The following DMTF1 variants were observed in gnomAD, a reference collection of about 807,000 sequenced individuals.
DMTF1 encodes cyclin-D-binding Myb-like transcription factor 1.
Under a neutral mutation model 91.1 loss-of-function variants are expected in DMTF1, and 39 were observed. The ratio of observed to expected loss-of-function variants is 0.43; its 90% CI spans 0.33 to 0.56. DMTF1 has a LOEUF of 0.56. Among genes scored for constraint, DMTF1 ranks in the 20% least tolerant of loss-of-function variants. The probability of loss-of-function intolerance (pLI) is 0.05; values close to 1 mark genes in which losing one functional copy is unlikely to be tolerated. For missense variants in DMTF1, 750 were observed against 914.5 expected (o/e 0.82, Z 2.32); for synonymous variants, 338 against 309.5 (o/e 1.09, Z -0.97).
Position 87,195,098 on chromosome 7 carries a change from A to G in DMTF1, c.2241A>G (p.Ser747=). The change falls in exon 18 of 18, where the codon TCA becomes TCG. Residue 747 remains serine, a synonymous_variant. Coordinates refer to ENST00000331242, the MANE Select transcript of DMTF1 (RefSeq NM_001142327.2). The stretch of plus-strand genomic sequence containing the variant: ...GATCATCCTTGGGCAGTCCTGTTTC[A>G]GAAGATTCAAAGGATGTCGAAGATT... ...IIGSSLGSPV[S]EDSKDVEDLV... 6.2e-7 allele frequency: 1 copy of G among 1,612,352 alleles called. No homozygotes were observed. The highest frequency in any genetic ancestry group is 1.1e-5 in the South Asian group (1 of 91,000).
intron 16 of DMTF1, 39 bp downstream of exon 16, chr7:87,194,141 C>T (rs908411965): frequency 1.3e-6 from 2 of 1,515,826 alleles, no homozygotes; most frequent in Non-Finnish European, 1.8e-6. Flanking sequence ...GGATTCTTGC[C>T]TTGAGCCTCA....
intron 9 of DMTF1, chr7:87,181,890 G>T (rs1797453322): frequency 1.8e-6 from 1 of 559,404 alleles, no homozygotes; most frequent in Non-Finnish European, 2.9e-6. Context: ...GTCTAAAGAA[G>T]AGTTTGTTGG....
chr7:87,161,117 G>A (rs1210630049), intron 1 of DMTF1, among the ~76,000 whole-genome samples: 1 of 152,040 alleles, frequency 6.6e-6, no homozygotes, highest in Non-Finnish European at 1.5e-5. Flanking sequence ...CATTAAAAGT[G>A]AAACTAGGTC....
intron 1 of DMTF1, among the ~76,000 whole-genome samples, chr7:87,156,835 TTA>T (rs1790863167): frequency 6.6e-6 from 1 of 152,164 alleles, no homozygotes; most frequent in Admixed American, 6.5e-5. Context: ...AAAGCATTAG[TTA>T]TACAATGATA....
intron 2 of DMTF1, among the ~76,000 whole-genome samples, chr7:87,164,717 G>A (rs1337862585): frequency 6.6e-6 from 1 of 152,158 alleles, no homozygotes; most frequent in Non-Finnish European, 1.5e-5. Context: ...AAATTTATCA[G>A]AGCAAACAGA....
intron 11 of DMTF1, chr7:87,185,142 C>G (rs1048003122): frequency 1.8e-4 from 39 of 216,412 alleles, no homozygotes; most frequent in African/African-American, 7.7e-4. Context: ...ATAATCCCAG[C>G]TTATTTTTTT....
chr7:87,177,673 C>T (rs1032698043), intron 7 of DMTF1, among the ~76,000 whole-genome samples: 1 of 152,100 alleles, frequency 6.6e-6, no homozygotes, highest in African/African-American at 2.4e-5. Flanking sequence ...AATCATTCCC[C>T]GCCTCAAGGG....
rs906243498 is a variant in DMTF1, at chr7:87,183,702, G to GA, written c.821-687dup. Among the ~76,000 whole-genome samples, 94 of 151,802 alleles carry GA rather than the reference G, an allele frequency of 6.2e-4. 1 individual carries two copies. Among genetic ancestry groups the GA allele is most frequent in the Non-Finnish European group, 2.7e-4 (18 of 67,914 alleles). On this transcript the variant is annotated intron_variant, in intron 10 of 17. Coordinates refer to ENST00000331242, the MANE Select transcript of DMTF1 (RefSeq NM_001142327.2). ...AAATGGAAACAGAGGTAAAGAAGAT[G>GA]AAAAAAAATGGCTTTTTTCCCTTTC... is the stretch of plus-strand genomic sequence containing the variant.
intron 7 of DMTF1, among the ~76,000 whole-genome samples, chr7:87,178,773 C>CTTT (rs34451577): frequency 6.8e-6 from 1 of 146,480 alleles, no homozygotes; most frequent in African/African-American, 2.5e-5. Context: ...AATGTACCCA[C>CTTT]TTTTTTTTTT....
chr7:87,175,719 T>C (rs748340128), intron 7 of DMTF1, among the ~76,000 whole-genome samples: 37 of 152,318 alleles, frequency 2.4e-4, no homozygotes, highest in Non-Finnish European at 1.2e-4. Context: ...TTGAGGGAAC[T>C]GCATGAATAC....
chr7:87,152,647 C>G (rs542890455), intron 1 of DMTF1, 92 bp downstream of exon 1: 2 of 152,834 alleles, frequency 1.3e-5, no homozygotes, highest in Non-Finnish European at 2.9e-5. Flanking sequence ...CGCTAGCTCC[C>G]GCCGGCTGGC....
intron 1 of DMTF1, 148 bp from the exon 2 acceptor site, chr7:87,163,347 A>T (rs1158770502): frequency 1.3e-5 from 2 of 152,196 alleles, no homozygotes; most frequent in Non-Finnish European, 2.9e-5. Flanking sequence ...GTTTCCAAAA[A>T]TTCTGCTTAA....
intron 10 of DMTF1, among the ~76,000 whole-genome samples, chr7:87,183,242 C>CT (rs1797738542): frequency 6.6e-6 from 1 of 152,250 alleles, no homozygotes; most frequent in Admixed American, 6.5e-5. Context: ...CTTCTACCAA[C>CT]TTTGTCATTC....
At chr7:87,191,065 A>G (rs749211813) in intron 14 of DMTF1, 38 bp downstream of exon 14, 2 of 1,326,304 alleles carry the variant, frequency 1.5e-6, no homozygotes, top group Non-Finnish European at 2.1e-6. Flanking sequence ...ATTTTTATGC[A>G]TGAGAAAGAT....
chr7:87,152,701 G>C (rs1789462923), intron 1 of DMTF1, 146 bp downstream of exon 1: 1 of 153,558 alleles, frequency 6.5e-6, no homozygotes, highest in African/African-American at 2.4e-5. Flanking sequence ...GTCGGAGCCT[G>C]GCCTTCCTGA....
chr7:87,187,099 G>A (rs1484873323), intron 12 of DMTF1: 1 of 152,144 alleles, frequency 6.6e-6, no homozygotes, highest in Non-Finnish European at 1.5e-5. Context: ...TTGCATTTAG[G>A]TATTAAACTT....
At chr7:87,177,638 T>G (rs913818064) in intron 7 of DMTF1, among the ~76,000 whole-genome samples, 2 of 152,178 alleles carry the variant, frequency 1.3e-5, no homozygotes, top group Non-Finnish European at 1.5e-5. Context: ...TTGTTTTGCA[T>G]GCATGCATGC....
chr7:87,184,273 G>A (rs1052536393), intron 10 of DMTF1, 124 bp from the exon 11 acceptor site: 1 of 834,886 alleles, frequency 1.2e-6, no homozygotes. Flanking sequence ...TTCCACCAGA[G>A]GGTCATTCAG....
chr7:87,184,886 A>G (rs1450814007), intron 11 of DMTF1: 1 of 577,076 alleles, frequency 1.7e-6, no homozygotes, highest in Admixed American at 2.2e-5. Context: ...CTATATCCAC[A>G]GAACAGGTAT....
Sources: gnomAD v4.1 joint callset for allele counts (sites outside exome capture counted in the v4.1 genomes callset) on GRCh38, gnomAD v4.1.1 for gene constraint, MANE v1.5 for transcripts, NCBI Gene and HGNC (gene_info 2026-07-23, HGNC 2026-07-21) for gene names.